The following CA12 variants were observed in gnomAD, a reference collection of about 807,000 sequenced individuals.
The protein encoded by CA12 is carbonate dehydratase XII.
In CA12, 36 loss-of-function variants were observed where a neutral mutation model predicts 46.8. The ratio of observed to expected loss-of-function variants is 0.77; its 90% CI spans 0.59 to 1.02. The LOEUF is 1.02. CA12 is among the 50% of genes least tolerant of loss of function. The probability of loss-of-function intolerance (pLI) is 0.00; values close to 1 mark genes in which losing one functional copy is unlikely to be tolerated. For missense variants in CA12, 436 were observed against 451.4 expected (o/e 0.97, Z 0.31); for synonymous variants, 202 against 187.0 (o/e 1.08, Z -0.65).
rs1031825659 is a variant in CA12, at chr15:63,327,464, A to C, written c.908-231T>G. 2.0e-5 allele frequency among the ~76,000 whole-genome samples: 3 copies of C among 150,860 alleles called. No individual in the cohort carries two copies. The highest frequency in any genetic ancestry group is 7.3e-5 in the African/African-American group (3 of 40,980). On this transcript the variant is annotated intron_variant, in intron 9 of 10. Coordinates refer to ENST00000178638, the MANE Select transcript of CA12 (RefSeq NM_001218.5). The surrounding 1 kb of genome is among the most constrained non-coding windows in gnomAD (Gnocchi z 4.5). ...TTCCAGCAGATGCTCTCAAACTTAC[A>C]CAAGGGTCATCTGAAGAGCTTGTTT...
Position 63,378,514 on chromosome 15 carries a change from C to T in CA12, c.86-2836G>A, listed in dbSNP as rs932226742. Among the ~76,000 whole-genome samples the T allele has an allele frequency of 2.6e-5, 4 of 152,158 alleles. No homozygotes were observed. The highest frequency in any genetic ancestry group is 9.7e-5 in the African/African-American group (4 of 41,438). On this transcript the variant is annotated intron_variant, in intron 1 of 10. Transcript: ENST00000178638. The surrounding 1 kb of genome is among the most constrained non-coding windows in gnomAD (Gnocchi z 4.8). ...GTTGAGGGTCCCAAGATCAACCTCC[C>T]TTGAATTAGTAATTAGACATTCAGA...
chr15:63,333,177 C>T (rs1168381185), intron 8 of CA12, among the ~76,000 whole-genome samples: 5 of 152,224 alleles, frequency 3.3e-5, no homozygotes, highest in South Asian at 4.1e-4. Context: ...TACTTGAAAG[C>T]ATCTGCCCTA....
intron 1 of CA12, among the ~76,000 whole-genome samples, chr15:63,376,557 C>CTTTCCTTTCTTT (rs754259500): frequency 9.6e-6 from 1 of 104,526 alleles, no homozygotes; most frequent in Non-Finnish European, 2.0e-5. Flanking sequence ...CTCTTTCTTT[C>CTTTCCTTTCTTT]CTTTCTTTCT....
At chr15:63,360,658 T>G (rs904894831) in intron 2 of CA12, among the ~76,000 whole-genome samples, 2 of 152,192 alleles carry the variant, frequency 1.3e-5, no homozygotes, top group African/African-American at 4.8e-5. Context: ...TCACCACCCA[T>G]GCACATAAAT....
rs7162383 is a variant in CA12 at position 63,374,221 on chromosome 15, C to A, written c.106+1437G>T. ...ACCTTAGAGCCCGTGACTCCGCTAT[C>A]AACCCTTCTCCACATGCTTTCCTCG... On this transcript the variant is annotated intron_variant, in intron 2 of 10. Transcript: ENST00000178638. The surrounding 1 kb of genome is among the most constrained non-coding windows in gnomAD (Gnocchi z 4.4). Among the ~76,000 whole-genome samples, 135,709 of 152,056 alleles carry A rather than the reference C, an allele frequency of 0.89. 61,298 individuals are homozygous for A. The highest frequency in any genetic ancestry group is 0.97 in the East Asian group (4,987 of 5,164).
At chr15:63,364,194 G>C (rs1045972986) in intron 2 of CA12, among the ~76,000 whole-genome samples, 1 of 150,566 alleles carries the variant, frequency 6.6e-6, no homozygotes, top group Non-Finnish European at 1.5e-5. Context: ...AAAGTGGGGG[G>C]GCGGTGAGGA....
chr15:63,373,449 A>T lies in CA12; in HGVS notation c.106+2209T>A, dbSNP rs1419028414. Among the ~76,000 whole-genome samples the T allele has an allele frequency of 6.6e-6, 1 of 151,928 alleles. No individual in the cohort carries two copies. The highest frequency in any genetic ancestry group is 1.5e-5 in the Non-Finnish European group (1 of 68,002). ...ATTCTGCCCAGGAGGGCTGTAACAGAGAGATAGGGATAGAGGACCCCGTAG... is the reference window on the plus strand; with the variant it reads ...ATTCTGCCCAGGAGGGCTGTAACAGTGAGATAGGGATAGAGGACCCCGTAG... On this transcript the variant is annotated intron_variant, in intron 2 of 10. Coordinates refer to ENST00000178638, the MANE Select transcript of CA12 (RefSeq NM_001218.5). This position sits in a 1 kb window ranked among gnomAD's most constrained non-coding sequence, Gnocchi z 4.9.
Position 63,325,551 on chromosome 15 carries a change from C to G in CA12, c.*734G>C, listed in dbSNP as rs950341478. 1.3e-5 allele frequency: 2 copies of G among 152,532 alleles called. No homozygotes were observed. The highest frequency in any genetic ancestry group is 2.9e-5 in the Non-Finnish European group (2 of 68,366). The allele number at this position is 152,532 out of a possible 1,614,324, so 9.4% of individuals were successfully genotyped here. ...CAAAGTGAGACTCTCCCAGATCATC[C>G]ATGTCTTCTCATTCTCTTTGTCCCT... On this transcript the variant is annotated 3_prime_UTR_variant, in exon 11 of 11. Coordinates refer to ENST00000178638, the MANE Select transcript of CA12 (RefSeq NM_001218.5). The surrounding 1 kb of genome is among the most constrained non-coding windows in gnomAD (Gnocchi z 4.9).
intron 2 of CA12, among the ~76,000 whole-genome samples, chr15:63,366,199 C>T (rs2152624787): frequency 6.6e-6 from 1 of 151,906 alleles, no homozygotes; most frequent in Middle Eastern, 3.4e-3. Flanking sequence ...GAACGAGGTC[C>T]TGGCTCTTTG....
At chr15:63,335,903 G>A (rs2038997188) in intron 8 of CA12, among the ~76,000 whole-genome samples, 1 of 152,194 alleles carries the variant, frequency 6.6e-6, no homozygotes, top group Admixed American at 6.5e-5. Flanking sequence ...ATGAGGTTTG[G>A]GCCTTCACCC....
Position 63,337,555 on chromosome 15 carries a change from C to T in CA12, c.874+1264G>A, listed in dbSNP as rs568876381. Among the ~76,000 whole-genome samples, 19 of 152,200 alleles carry T rather than the reference C, an allele frequency of 1.2e-4. No homozygotes were observed. In the East Asian group the frequency reaches 3.7e-3, roughly 29 times the overall value. On this transcript the variant is annotated intron_variant, in intron 8 of 10. Transcript: ENST00000178638. Reference sequence around the variant, plus strand: ...CATTGCAACCTCTGCCTCCTGGGTTCAAGCGATTCTCCTGCCTCAGCCTCT... The same window carrying T: ...CATTGCAACCTCTGCCTCCTGGGTTTAAGCGATTCTCCTGCCTCAGCCTCT...
intron 4 of CA12, among the ~76,000 whole-genome samples, chr15:63,343,670 C>G (rs1202728135): frequency 2.0e-5 from 3 of 152,190 alleles, no homozygotes; most frequent in Non-Finnish European, 1.5e-5. Context: ...ACCCTGATGC[C>G]TTTTCTCTAG....
chr15:63,340,640 G>A lies in CA12; in HGVS notation c.589+80C>T. 1 of 1,501,422 alleles carries A rather than the reference G, an allele frequency of 6.7e-7. No homozygotes were observed. Among genetic ancestry groups the A allele is most frequent in the African/African-American group, 1.4e-5 (1 of 72,748 alleles). The allele number at this position is 1,501,422 out of a possible 1,614,324, so 93.0% of individuals were successfully genotyped here. On this transcript the variant is annotated intron_variant, in intron 6 of 10. Coordinates refer to ENST00000178638, the MANE Select transcript of CA12 (RefSeq NM_001218.5). This position sits in a 1 kb window ranked among gnomAD's most constrained non-coding sequence, Gnocchi z 4.4. The stretch of plus-strand genomic sequence containing the variant: ...AACACAGACAGCACCTGCCCCTTGT[G>A]TTTGCTTTTCTTAAAGTCACACAGG...
rs1285397134 is a variant in CA12 at position 63,348,148 on chromosome 15, T to C, written c.107-1439A>G. On this transcript the variant is annotated intron_variant, in intron 2 of 10. Coordinates refer to ENST00000178638, the MANE Select transcript of CA12 (RefSeq NM_001218.5). This position sits in a 1 kb window ranked among gnomAD's most constrained non-coding sequence, Gnocchi z 4.6. ...ACACACACATCGGAACCCTACTGAT[T>C]TTTCAGGCTGTCAACCTTAGGCTAT... 1.3e-5 allele frequency among the ~76,000 whole-genome samples: 2 copies of C among 152,170 alleles called. No individual in the cohort carries two copies. The highest frequency in any genetic ancestry group is 2.4e-5 in the African/African-American group (1 of 41,434).
chr15:63,334,577 ATG>A (rs892031068), intron 8 of CA12, among the ~76,000 whole-genome samples: 1 of 152,136 alleles, frequency 6.6e-6, no homozygotes, highest in African/African-American at 2.4e-5. Context: ...CTTTTTAAGA[ATG>A]GAAAAAAGTG....
Position 63,345,503 on chromosome 15 carries a change from C to T in CA12, c.403G>A (p.Val135Ile), listed in dbSNP as rs763464509. 1.9e-5 allele frequency: 30 copies of T among 1,610,796 alleles called. No homozygotes were observed. The Middle Eastern group carries it at 4.9e-4, about 26-fold the overall frequency. ...PNDPHGSEHT[V>I]SGQHFAAELH... ...TCGGCGGCGAAGTGCTGTCCGCTGA[C>T]GGTGTGCTCAGAGCCGTGCGGGTCA... The change falls in exon 4 of 11, where the codon GTC becomes ATC. Residue 135 changes from valine (V) to isoleucine (I), a missense_variant. By Grantham distance (29) the Val-to-Ile change is conservative. Transcript: ENST00000178638. The surrounding 1 kb of genome is among the most constrained non-coding windows in gnomAD (Gnocchi z 4.3).
intron 8 of CA12, among the ~76,000 whole-genome samples, chr15:63,334,962 A>T (rs2038981969): frequency 6.6e-6 from 1 of 152,220 alleles, no homozygotes; most frequent in Admixed American, 6.5e-5. Flanking sequence ...ATGCCATAAA[A>T]CAATGAAGAC....
Position 63,328,640 on chromosome 15 carries a change from C to A in CA12, c.875-510G>T, listed in dbSNP as rs1181853719. On this transcript the variant is annotated intron_variant, in intron 8 of 10. Transcript: ENST00000178638. The surrounding 1 kb of genome is among the most constrained non-coding windows in gnomAD (Gnocchi z 5.9). ...TGAGCCCCTGCGCCCGGCCCCGATG[C>A]TCCTTTATCACAACAGTTTCCTGGC... is the stretch of plus-strand genomic sequence containing the variant. Among the ~76,000 whole-genome samples the A allele has an allele frequency of 4.6e-5, 7 of 152,074 alleles. No individual in the cohort carries two copies. Among genetic ancestry groups the A allele is most frequent in the African/African-American group, 7.2e-5 (3 of 41,428 alleles).
At chr15:63,358,189 T>G (rs758615330) in intron 2 of CA12, among the ~76,000 whole-genome samples, 5 of 152,246 alleles carry the variant, frequency 3.3e-5, no homozygotes, top group Non-Finnish European at 7.3e-5. Flanking sequence ...GTGTTTCTCC[T>G]GTTTGAGTTT....
Sources: allele counts gnomAD v4.1 joint callset (sites outside exome capture counted in the v4.1 genomes callset), GRCh38; gene constraint gnomAD v4.1.1; non-coding constraint Gnocchi (gnomAD v3.1); transcripts MANE v1.5; gene names NCBI Gene and HGNC (gene_info 2026-07-23, HGNC 2026-07-21).